Variants in FHIT observed in about 807,000 individuals in gnomAD.
The protein encoded by FHIT is fragile histidine triad diadenosine triphosphatase, also known as bis(5'-adenosyl)-triphosphatase.
Under a neutral mutation model 17.9 loss-of-function variants are expected in FHIT, and 19 were observed. That is an observed-to-expected ratio of 1.06 (90% confidence interval 0.74 to 1.56). FHIT has a LOEUF of 1.56. FHIT is among the 40% of genes most tolerant of loss of function. FHIT has a pLI of 0.00. For synonymous variants in FHIT, 81 were observed against 69.7 expected, an observed-to-expected ratio of 1.16 and a Z score of -0.81; for missense variants, 248 against 189.2, an observed-to-expected ratio of 1.31 and a Z score of -1.82.
intron 4 of FHIT, among the ~76,000 whole-genome samples, chr3:60,619,717 T>C (rs1256858119): frequency 6.6e-6 from 1 of 150,724 alleles, no homozygotes; most frequent in Non-Finnish European, 1.5e-5. Flanking sequence ...ATAGAACTCC[T>C]AGAAAATAAT....
intron 8 of FHIT, among the ~76,000 whole-genome samples, chr3:59,816,639 G>A (rs1271542985): frequency 1.3e-5 from 2 of 152,140 alleles, no homozygotes; most frequent in Non-Finnish European, 2.9e-5. Context: ...GAAGGTAGGA[G>A]CAGAGACAAT....
intron 8 of FHIT, among the ~76,000 whole-genome samples, chr3:59,805,148 G>A (rs1413712341): frequency 2.6e-5 from 4 of 152,112 alleles, no homozygotes; most frequent in Admixed American, 6.6e-5. Flanking sequence ...GTCCCTTTCC[G>A]GCGTGTCCTG....
intron 3 of FHIT, among the ~76,000 whole-genome samples, chr3:60,827,016 T>C (rs1330333697): frequency 6.6e-6 from 1 of 151,296 alleles, no homozygotes; most frequent in African/African-American, 2.4e-5. Flanking sequence ...AAGAAAACTT[T>C]GCTTAAAAAA....
At position 60,767,525 on chromosome 3, in the gene FHIT, T is replaced by G. The variant is rs1699898664; in HGVS notation, c.-18+54394A>C. Among the ~76,000 whole-genome samples the G allele has an allele frequency of 2.0e-5, 3 of 152,332 alleles. No individual in the cohort carries two copies. The East Asian group carries it at 5.8e-4, about 29-fold the overall frequency. Reference sequence around the variant, plus strand: ...ATGGAAGTGAGATTCTAATCCAGACTATTTACTCTGAAAACCTAGTGGCTC... The same window carrying G: ...ATGGAAGTGAGATTCTAATCCAGACGATTTACTCTGAAAACCTAGTGGCTC... On this transcript the variant is annotated intron_variant, in intron 4 of 9. Coordinates refer to ENST00000492590, the MANE Select transcript of FHIT (RefSeq NM_002012.4).
At chr3:60,070,771 G>C (rs1253208061) in intron 5 of FHIT, among the ~76,000 whole-genome samples, 1 of 152,106 alleles carries the variant, frequency 6.6e-6, no homozygotes, top group Non-Finnish European at 1.5e-5. Context: ...AGGTTGCCTG[G>C]GTTTTCCTCC....
At chr3:60,911,363 C>A (rs1424779561) in intron 3 of FHIT, among the ~76,000 whole-genome samples, 8 of 103,704 alleles carry the variant, frequency 7.7e-5, no homozygotes, top group East Asian at 3.2e-4. Flanking sequence ...CATTTAAATT[C>A]TTTGCATGCA....
intron 1 of FHIT, among the ~76,000 whole-genome samples, chr3:61,226,411 C>A (rs1049102899): frequency 1.1e-4 from 16 of 152,092 alleles, no homozygotes; most frequent in African/African-American, 3.6e-4. Context: ...CTTTCAATTA[C>A]CCTGATAGTC....
intron 5 of FHIT, among the ~76,000 whole-genome samples, chr3:60,486,853 C>A (rs1186535948): frequency 1.3e-5 from 2 of 151,956 alleles, no homozygotes; most frequent in African/African-American, 2.4e-5. Context: ...TCAGTTTAAA[C>A]GTGCTTCAGT....
At chr3:59,947,232 A>C (rs139896698) in intron 7 of FHIT, among the ~76,000 whole-genome samples, 2 of 152,280 alleles carry the variant, frequency 1.3e-5, no homozygotes, top group East Asian at 3.9e-4. Context: ...TTCCCGGTTC[A>C]ATCTTAACAG....
chr3:60,319,015 C>T (rs1709294403), intron 5 of FHIT, among the ~76,000 whole-genome samples: 1 of 152,042 alleles, frequency 6.6e-6, no homozygotes. Flanking sequence ...TGATTCTGAC[C>T]TTCCTCCTGC....
In FHIT at chr3:60,418,400, A is replaced by G. The variant is rs1241222681; in HGVS notation, c.103+118460T>C. The stretch of plus-strand genomic sequence containing the variant: ...TGTATATATATATATATATATATAT[A>G]TATATATATATATATATATATATAT... On this transcript the variant is annotated intron_variant, in intron 5 of 9. Transcript: ENST00000492590. Among the ~76,000 whole-genome samples the G allele has an allele frequency of 5.3e-4, 69 of 129,940 alleles. 5 individuals carry two copies. Among genetic ancestry groups the G allele is most frequent in the South Asian group, 1.8e-3 (7 of 3,996 alleles). 85.2% of individuals were successfully genotyped at this position (129,940 alleles called of 152,430 possible). A position where few individuals can be genotyped will look rare whatever the true frequency, so the allele number is the denominator to read the frequency against.
chr3:60,059,262 G>C (rs1702208677), intron 5 of FHIT, among the ~76,000 whole-genome samples: 1 of 152,204 alleles, frequency 6.6e-6, no homozygotes, highest in Non-Finnish European at 1.5e-5. Context: ...TGCGCATTAA[G>C]AGACAAAATG....
At position 59,841,243 on chromosome 3, in the gene FHIT, GGGCTGAA is replaced by G. The variant is rs55824738; in HGVS notation, c.348+81096_348+81102del. ...TAGATCTAGGTATGTGTGTGGGGTG[GGGCTGAA>G]GTCTACACCCATATTGTGGTAGGCA... On this transcript the variant is annotated intron_variant, in intron 8 of 9. Coordinates refer to ENST00000492590, the MANE Select transcript of FHIT (RefSeq NM_002012.4). 7.9e-3 allele frequency among the ~76,000 whole-genome samples: 1,205 copies of G among 152,168 alleles called. 3 individuals carry two copies. The highest frequency in any genetic ancestry group is 0.012 in the Non-Finnish European group (847 of 68,002).
intron 5 of FHIT, among the ~76,000 whole-genome samples, chr3:60,405,172 G>A (rs138927736): frequency 5.8e-4 from 89 of 152,226 alleles, no homozygotes; most frequent in Admixed American, 8.5e-4. Flanking sequence ...TTAAATCCTC[G>A]GACTGGACTG....
chr3:60,881,041 C>T (rs1704952726), intron 3 of FHIT, among the ~76,000 whole-genome samples: 1 of 152,054 alleles, frequency 6.6e-6, no homozygotes, highest in African/African-American at 2.4e-5. Context: ...TATATGCTTT[C>T]TATAAGAAAT....
intron 4 of FHIT, among the ~76,000 whole-genome samples, chr3:60,763,013 T>C (rs1396471327): frequency 6.6e-6 from 1 of 152,166 alleles, no homozygotes; most frequent in Admixed American, 6.5e-5. Context: ...TCTAACTGGG[T>C]TTCTGTTCAC....
intron 4 of FHIT, among the ~76,000 whole-genome samples, chr3:60,552,232 C>A (rs571854739): frequency 1.3e-5 from 2 of 152,290 alleles, no homozygotes; most frequent in Admixed American, 1.3e-4. Context: ...CTCCATTCAT[C>A]AGTTGATGGA....
chr3:61,137,324 C>A (rs973055299), intron 2 of FHIT, among the ~76,000 whole-genome samples: 5 of 135,626 alleles, frequency 3.7e-5, no homozygotes, highest in African/African-American at 1.1e-4. Context: ...GCCCTTGTTT[C>A]CGTCCCTTCT....
At chr3:60,436,353 A>C (rs2030237177) in intron 5 of FHIT, among the ~76,000 whole-genome samples, 1 of 151,932 alleles carries the variant, frequency 6.6e-6, no homozygotes. Flanking sequence ...CCCAGCCAGT[A>C]CCACATTTTC....
Sources: gnomAD v4.1 joint callset for allele counts (sites outside exome capture counted in the v4.1 genomes callset) on GRCh38, gnomAD v4.1.1 for gene constraint, MANE v1.5 for transcripts, NCBI Gene and HGNC (gene_info 2026-07-23, HGNC 2026-07-21) for gene names.